NKAIN3: variants seen among roughly 807,000 people sequenced by gnomAD.
The protein encoded by NKAIN3 is sodium/potassium-transporting ATPase subunit beta-1-interacting protein 3.
A neutral mutation model predicts 30.2 loss-of-function variants in NKAIN3; 25 were observed. That is an observed-to-expected ratio of 0.83 (90% CI 0.60 to 1.16). The LOEUF (loss-of-function observed/expected upper bound fraction) is 1.16, where lower values mean the gene tolerates loss of function less well. NKAIN3 is among the 50% of genes most tolerant of loss of function. The pLI, the probability that NKAIN3 is intolerant of heterozygous loss-of-function variation, is 0.00. For synonymous variants in NKAIN3, 91 were observed against 89.6 expected, an observed-to-expected ratio of 1.02 and a Z score of -0.09; for missense variants, 225 against 254.1, an observed-to-expected ratio of 0.89 and a Z score of 0.78.
chr8:62,491,951 G>A lies in NKAIN3; in HGVS notation c.55-87588G>A, dbSNP rs191321715. ...GAGGGTGTGGTCAGTAATGTCCGTT[G>A]TTCCTGAGAGGATAAGTCAAGAAAA... On this transcript the variant is annotated intron_variant, in intron 1 of 6. Coordinates refer to ENST00000623646, the MANE Select transcript of NKAIN3 (RefSeq NM_001304533.3). Among the ~76,000 whole-genome samples the A allele has an allele frequency of 1.7e-4, 26 of 152,190 alleles. 1 individual carries two copies. Among genetic ancestry groups the A allele is most frequent in the Admixed American group, 1.4e-3 (22 of 15,282 alleles).
At position 62,451,811 on chromosome 8, in the gene NKAIN3, G is replaced by A. The variant is rs925624442; in HGVS notation, c.55-127728G>A. ...TCAGATTTGTATAATATTAAAGCTC[G>A]AAGAGCCTAGAAAGCTTCAGAAATG... On this transcript the variant is annotated intron_variant, in intron 1 of 6. Coordinates refer to ENST00000623646, the MANE Select transcript of NKAIN3 (RefSeq NM_001304533.3). 8.5e-5 allele frequency among the ~76,000 whole-genome samples: 13 copies of A among 152,190 alleles called. No individual in the cohort carries two copies. In the South Asian group the frequency reaches 1.2e-3, roughly 15 times the overall value.
At chr8:62,267,915 G>C (rs1394217526) in intron 1 of NKAIN3, among the ~76,000 whole-genome samples, 1 of 152,162 alleles carries the variant, frequency 6.6e-6, no homozygotes, top group Non-Finnish European at 1.5e-5. Flanking sequence ...CCAGTGGCTG[G>C]TCATTTATTC....
chr8:62,546,411 A>G (rs977960952), intron 1 of NKAIN3, among the ~76,000 whole-genome samples: 1 of 152,218 alleles, frequency 6.6e-6, no homozygotes, highest in Non-Finnish European at 1.5e-5. Context: ...TCTCAGGAGC[A>G]CATAATGAGA....
At chr8:62,431,886 T>A (rs1164052017) in intron 1 of NKAIN3, among the ~76,000 whole-genome samples, 8 of 137,060 alleles carry the variant, frequency 5.8e-5, no homozygotes. Context: ...AAAAAGCTTT[T>A]TCTAAGAACT....
At chr8:62,347,189 A>G (rs1215755164) in intron 1 of NKAIN3, among the ~76,000 whole-genome samples, 3 of 152,132 alleles carry the variant, frequency 2.0e-5, no homozygotes, top group East Asian at 1.9e-4. Flanking sequence ...TCCTTGGCTT[A>G]TCTATGTGCT....
intron 1 of NKAIN3, among the ~76,000 whole-genome samples, chr8:62,340,306 A>G (rs760584558): frequency 6.6e-6 from 1 of 151,860 alleles, no homozygotes; most frequent in Non-Finnish European, 1.5e-5. Flanking sequence ...CCTCCTGGGT[A>G]TGGGGCAGGT....
At chr8:62,689,530 T>A (rs1813897251) in intron 3 of NKAIN3, among the ~76,000 whole-genome samples, 1 of 152,210 alleles carries the variant, frequency 6.6e-6, no homozygotes, top group South Asian at 2.1e-4. Flanking sequence ...CCCATTAATA[T>A]ACATTTAACA....
At chr8:62,372,331 T>C (rs1816937475) in intron 1 of NKAIN3, among the ~76,000 whole-genome samples, 1 of 151,998 alleles carries the variant, frequency 6.6e-6, no homozygotes. Context: ...ACTTAAAATG[T>C]CATAAATAGA....
intron 1 of NKAIN3, among the ~76,000 whole-genome samples, chr8:62,348,535 A>T (rs768147334): frequency 1.3e-5 from 2 of 152,178 alleles, no homozygotes; most frequent in Non-Finnish European, 2.9e-5. Context: ...CACAGTTTTT[A>T]TGAGACCCAG....
At chr8:62,499,002 C>T (rs1215012552) in intron 1 of NKAIN3, among the ~76,000 whole-genome samples, 1 of 152,144 alleles carries the variant, frequency 6.6e-6, no homozygotes, top group Non-Finnish European at 1.5e-5. Flanking sequence ...TTGATTCCAG[C>T]TATAATCCTT....
At chr8:62,253,394 A>G (rs1812170606) in intron 1 of NKAIN3, among the ~76,000 whole-genome samples, 1 of 152,056 alleles carries the variant, frequency 6.6e-6, no homozygotes, top group African/African-American at 2.4e-5. Context: ...TGGGCAACAT[A>G]GCGAAACCTC....
intron 4 of NKAIN3, among the ~76,000 whole-genome samples, chr8:62,789,586 G>A (rs1247386357): frequency 3.3e-5 from 5 of 152,008 alleles, no homozygotes; most frequent in Non-Finnish European, 5.9e-5. Flanking sequence ...TAGGAGTGGT[G>A]AGAGAAGAAT....
At chr8:62,288,104 C>T (rs116454235) in intron 1 of NKAIN3, among the ~76,000 whole-genome samples, 110 of 152,242 alleles carry the variant, frequency 7.2e-4, no homozygotes, top group African/African-American at 2.6e-3. Flanking sequence ...TCTCCATTTG[C>T]CTTGTGCTTC....
chr8:62,803,029 A>G (rs1362561893), intron 4 of NKAIN3, among the ~76,000 whole-genome samples: 2 of 152,172 alleles, frequency 1.3e-5, no homozygotes, highest in African/African-American at 4.8e-5. Flanking sequence ...GCCATTATAT[A>G]ATGGTAAAGG....
At chr8:62,328,858 C>G (rs1815238857) in intron 1 of NKAIN3, among the ~76,000 whole-genome samples, 2 of 152,028 alleles carry the variant, frequency 1.3e-5, no homozygotes, top group South Asian at 4.2e-4. Context: ...CCCAATGATC[C>G]CTGTCTCCTG....
chr8:62,451,211 T>C (rs913601029), intron 1 of NKAIN3, among the ~76,000 whole-genome samples: 3 of 151,748 alleles, frequency 2.0e-5, no homozygotes, highest in Non-Finnish European at 4.4e-5. Context: ...TTGAATCGCC[T>C]TCTCTTCTCT....
At chr8:62,903,255 T>A (rs1304411350) in intron 4 of NKAIN3, among the ~76,000 whole-genome samples, 2 of 152,128 alleles carry the variant, frequency 1.3e-5, no homozygotes, top group Non-Finnish European at 2.9e-5. Context: ...TGAACCAAAT[T>A]TCTTCACATA....
At chr8:62,732,844 A>G (rs1815522226) in intron 3 of NKAIN3, among the ~76,000 whole-genome samples, 1 of 152,048 alleles carries the variant, frequency 6.6e-6, no homozygotes, top group African/African-American at 2.4e-5. Flanking sequence ...TTTACTTTCA[A>G]TACTTCTGTG....
rs1185034463 is a variant in NKAIN3 at position 62,732,193 on chromosome 8, C to A, written c.274-14739C>A. On this transcript the variant is annotated intron_variant, in intron 3 of 6. Coordinates refer to ENST00000623646, the MANE Select transcript of NKAIN3 (RefSeq NM_001304533.3). ...AAAACTAAGAAAACTCTTATCTGCCCCCAATAGATGTCATTAATTATATTT... is the reference window on the plus strand; with the variant it reads ...AAAACTAAGAAAACTCTTATCTGCCACCAATAGATGTCATTAATTATATTT... Among the ~76,000 whole-genome samples the A allele has an allele frequency of 3.3e-5, 5 of 151,970 alleles. No individual in the cohort carries two copies. The East Asian group carries it at 7.7e-4, about 23-fold the overall frequency.
Sources: gnomAD v4.1 joint callset for allele counts (sites outside exome capture counted in the v4.1 genomes callset) on GRCh38, gnomAD v4.1.1 for gene constraint, MANE v1.5 for transcripts, NCBI Gene and HGNC (gene_info 2026-07-23, HGNC 2026-07-21) for gene names.